The following DOCK2 variants were observed in gnomAD, a reference collection of about 807,000 sequenced individuals.
The protein encoded by DOCK2 is dedicator of cytokinesis protein 2.
DOCK2 carries 87 observed loss-of-function variants against 248.9 expected under a neutral mutation model. The ratio of observed to expected loss-of-function variants is 0.35; its 90% CI spans 0.29 to 0.42. DOCK2 has a LOEUF of 0.42. Among genes scored for constraint, DOCK2 ranks in the 10% least tolerant of loss-of-function variants. DOCK2 has a pLI of 1.00. For synonymous variants in DOCK2, 805 were observed against 821.6 expected (o/e 0.98, Z 0.35); for missense variants, 1,747 against 2,300.2 (o/e 0.76, Z 4.92).
At chr5:169,773,970 C>T (rs1001417973) in intron 25 of DOCK2, among the ~76,000 whole-genome samples, 1 of 152,104 alleles carries the variant, frequency 6.6e-6, no homozygotes, top group African/African-American at 2.4e-5. Context: ...GTGAGACCTC[C>T]CTAGCCACAT....
chr5:169,892,212 C>T (rs1197851147), intron 27 of DOCK2, among the ~76,000 whole-genome samples: 1 of 152,006 alleles, frequency 6.6e-6, no homozygotes, highest in Non-Finnish European at 1.5e-5. Context: ...AGTCCTGGGA[C>T]TCAAAGCAAA....
chr5:169,965,667 A>G (rs1777272471), intron 27 of DOCK2, among the ~76,000 whole-genome samples: 1 of 152,182 alleles, frequency 6.6e-6, no homozygotes, highest in East Asian at 1.9e-4. Context: ...CTCAGAGTCC[A>G]ACCTCATCCA....
chr5:169,871,015 G>A (rs1171054543), intron 27 of DOCK2, among the ~76,000 whole-genome samples: 2 of 152,188 alleles, frequency 1.3e-5, no homozygotes, highest in East Asian at 3.9e-4. Context: ...ACAGACAGCT[G>A]TATTCCCTTG....
At chr5:169,761,414 TG>T in intron 24 of DOCK2, 104 bp from the exon 25 acceptor site, 1 of 877,832 alleles carries the variant, frequency 1.1e-6, no homozygotes. Flanking sequence ...TGCCAGGACT[TG>T]GGGGTTTCCC....
At chr5:169,820,363 C>T (rs1768352023) in intron 26 of DOCK2, among the ~76,000 whole-genome samples, 2 of 152,214 alleles carry the variant, frequency 1.3e-5, no homozygotes, top group Admixed American at 1.3e-4. Flanking sequence ...AACTGGGAGG[C>T]ACCCCCCAGT....
rs530969863 is a variant in DOCK2 at position 169,790,895 on chromosome 5, T to C, written c.2555-12163T>C. On this transcript the variant is annotated intron_variant, in intron 25 of 51. Transcript: ENST00000520908. ...TCTCCCAACCTTTAACCCAAAGCTC[T>C]ACTTACTATGCCATGCCTTCCTCTA... Among the ~76,000 whole-genome samples the C allele has an allele frequency of 2.6e-5, 4 of 152,342 alleles. No homozygotes were observed. The East Asian group carries it at 7.7e-4, about 29-fold the overall frequency.
chr5:169,773,425 T>C (rs1338813329), intron 25 of DOCK2, among the ~76,000 whole-genome samples: 5 of 150,574 alleles, frequency 3.3e-5, no homozygotes, highest in African/African-American at 9.8e-5. Context: ...TTAATAGCAA[T>C]GTAAATAAAC....
At position 169,814,791 on chromosome 5, in the gene DOCK2, TG is replaced by T. The variant is rs530410003; in HGVS notation, c.2703+11586del. 3.9e-4 allele frequency among the ~76,000 whole-genome samples: 59 copies of T among 152,316 alleles called. 1 individual carries two copies. The South Asian group carries it at 9.7e-3, about 25-fold the overall frequency. ...GTTCTGTCAAGTATACTTATTTCTA[TG>T]TGAAGGGAAATTACACATAGAAATT... On this transcript the variant is annotated intron_variant, in intron 26 of 51. Coordinates refer to ENST00000520908, the MANE Select transcript of DOCK2 (RefSeq NM_004946.3).
intron 36 of DOCK2, chr5:170,040,807 A>G: frequency 2.2e-6 from 1 of 460,002 alleles, no homozygotes; most frequent in Non-Finnish European, 3.8e-6. Flanking sequence ...GACTCATCTC[A>G]TAGGGTTGTC....
At chr5:170,024,296 G>T (rs955384628) in intron 33 of DOCK2, among the ~76,000 whole-genome samples, 5 of 151,580 alleles carry the variant, frequency 3.3e-5, no homozygotes, top group Non-Finnish European at 7.4e-5. Flanking sequence ...ACTCTGGATG[G>T]TGACAGTGTT....
At chr5:170,007,597 A>G (rs1311497709) in intron 30 of DOCK2, among the ~76,000 whole-genome samples, 1 of 152,210 alleles carries the variant, frequency 6.6e-6, no homozygotes, top group East Asian at 1.9e-4. Flanking sequence ...TTGTAGATCC[A>G]TGGTTTGGAC....
At chr5:169,896,177 T>C (rs1414275556) in intron 27 of DOCK2, among the ~76,000 whole-genome samples, 6 of 150,568 alleles carry the variant, frequency 4.0e-5, no homozygotes, top group African/African-American at 1.5e-4. Context: ...GCTCCTGGGG[T>C]CGGGGGGCGG....
intron 21 of DOCK2, 119 bp from the exon 22 acceptor site, chr5:169,718,538 G>GT: frequency 9.6e-7 from 1 of 1,039,576 alleles, no homozygotes; most frequent in South Asian, 2.3e-5. Context: ...TTACAAATGA[G>GT]TAAGTGAGCT....
chr5:169,729,037 G>A (rs1239615039), intron 22 of DOCK2, among the ~76,000 whole-genome samples: 1 of 152,200 alleles, frequency 6.6e-6, no homozygotes, highest in Non-Finnish European at 1.5e-5. Context: ...ACCCTTGCCT[G>A]AGAGCAAAGA....
Position 170,034,518 on chromosome 5 carries a change from G to A in DOCK2, c.3587G>A (p.Ser1196Asn), listed in dbSNP as rs1756252404. ...LDYRGVMTDE[S>N]KDNRMSCTVN... Reference sequence around the variant, plus strand: ...TACCGGGGTGTGATGACAGATGAGAGCAAAGACAACCGCATGAGCTGCACC... The same window carrying A: ...TACCGGGGTGTGATGACAGATGAGAACAAAGACAACCGCATGAGCTGCACC... The change falls in exon 35 of 52, where the codon AGC (serine) becomes AAC (asparagine). Residue 1196 changes from serine to asparagine, a missense_variant. By Grantham distance (46) the Ser-to-Asn change is conservative (BLOSUM62 1). This residue lies in a region of DOCK2 where 858 missense variants were observed against 1,183.5 expected (regional missense o/e 0.72). Transcript: ENST00000520908. The A allele has an allele frequency of 2.5e-6, 4 of 1,614,192 alleles. No homozygotes were observed. The highest frequency in any genetic ancestry group is 3.4e-6 in the Non-Finnish European group (4 of 1,180,014).
rs1055559807 is a variant in DOCK2 at position 169,986,070 on chromosome 5, G to T, written c.2993+148G>T. The T allele has an allele frequency of 8.8e-6, 6 of 684,498 alleles. No individual in the cohort carries two copies. In the African/African-American group the frequency reaches 9.0e-5, roughly 10 times the overall value. 42.4% of individuals were successfully genotyped at this position (684,498 alleles called of 1,614,324 possible). A position where few individuals can be genotyped will look rare whatever the true frequency, so the allele number is the denominator to read the frequency against. On this transcript the variant is annotated intron_variant, in intron 29 of 51. Transcript: ENST00000520908. ...CTTTCTTTCTATCTTTAAACCCAGG[G>T]AAGGACTCCTCACCAATCGAAGCTA...
rs577869436 is a variant in DOCK2, at chr5:169,800,697, A to C, written c.2555-2361A>C. ...CTGTAAATTGGGACTCTTTGGTTTC[A>C]AGCAACAGAATCCTACTCTGGTAAA... On this transcript the variant is annotated intron_variant, in intron 25 of 51. Transcript: ENST00000520908. Among the ~76,000 whole-genome samples, 5 of 152,272 alleles carry C rather than the reference A, an allele frequency of 3.3e-5. No homozygotes were observed. The East Asian group carries it at 9.6e-4, about 29-fold the overall frequency.
intron 6 of DOCK2, among the ~76,000 whole-genome samples, chr5:169,677,955 G>C (rs1759428680): frequency 6.6e-6 from 1 of 152,222 alleles, no homozygotes; most frequent in Non-Finnish European, 1.5e-5. Flanking sequence ...TGCCAGTCTT[G>C]AGTTATGGTC....
chr5:170,061,580 C>A (rs757042525), intron 44 of DOCK2, among the ~76,000 whole-genome samples: 4 of 152,220 alleles, frequency 2.6e-5, no homozygotes, highest in Non-Finnish European at 5.9e-5. Flanking sequence ...AACTATACAA[C>A]CCCTGTAATG....
Sources: allele counts gnomAD v4.1 joint callset (sites outside exome capture counted in the v4.1 genomes callset), GRCh38; gene constraint gnomAD v4.1.1; regional missense constraint gnomAD v4.1.1; transcripts MANE v1.5; gene names NCBI Gene and HGNC (gene_info 2026-07-23, HGNC 2026-07-21).